The following PCLO variants were observed in gnomAD, a reference collection of about 807,000 sequenced individuals.
PCLO encodes the protein protein piccolo.
PCLO carries 82 observed loss-of-function variants against 427.5 expected under a neutral mutation model. The ratio of observed to expected loss-of-function variants is 0.19; its 90% CI spans 0.16 to 0.23. The LOEUF is 0.23. Ranked by LOEUF, PCLO falls within the 10% of genes least tolerant of loss-of-function variation. PCLO has a pLI of 1.00. For missense variants in PCLO, 6,239 were observed against 6,115.9 expected, an observed-to-expected ratio of 1.02 and a Z score of -0.67; for synonymous variants, 2,357 against 2,155.4, an observed-to-expected ratio of 1.09 and a Z score of -2.59.
intron 2 of PCLO, among the ~76,000 whole-genome samples, chr7:83,142,042 C>G (rs1281190440): frequency 1.3e-5 from 2 of 151,726 alleles, no homozygotes; most frequent in African/African-American, 4.8e-5. Context: ...CCCCCCTCCC[C>G]CCGACACACA....
intron 10 of PCLO, among the ~76,000 whole-genome samples, chr7:82,852,754 C>A (rs1365752060): frequency 6.6e-6 from 1 of 152,062 alleles, no homozygotes; most frequent in Non-Finnish European, 1.5e-5. Context: ...CTCTAGAGAA[C>A]CCTGACTAAT....
chr7:83,125,290 G>A (rs1417347883), intron 3 of PCLO, among the ~76,000 whole-genome samples: 6 of 151,860 alleles, frequency 4.0e-5, no homozygotes, highest in South Asian at 4.2e-4. Flanking sequence ...CCGCCCGGCC[G>A]CCGCCCCCTC....
chr7:83,105,374 GA>G (rs1224751477), intron 3 of PCLO, among the ~76,000 whole-genome samples: 1 of 152,138 alleles, frequency 6.6e-6, no homozygotes, highest in Non-Finnish European at 1.5e-5. Context: ...TTTATGAAAA[GA>G]TTTGGGATCA....
At position 82,953,714 on chromosome 7, in the gene PCLO, AGGG is replaced by A; in HGVS notation, c.7236_7238del (p.Pro2426del). ...GGGGTGGTGGTGGAGGAGGAGGAGG[AGGG>A]GGAGGGGGAGGAGGGGGAGGAGGTT... On this transcript the variant is annotated inframe_deletion, in exon 5 of 25. Coordinates refer to ENST00000333891, the MANE Select transcript of PCLO (RefSeq NM_033026.6). 1 of 325,266 alleles carries A rather than the reference AGGG, an allele frequency of 3.1e-6. No individual in the cohort carries two copies. Among genetic ancestry groups the A allele is most frequent in the Non-Finnish European group, 4.8e-6 (1 of 206,760 alleles). The allele number at this position is 325,266 out of a possible 1,614,324, so 20.1% of individuals were successfully genotyped here.
At chr7:83,114,450 T>G (rs1343942661) in intron 3 of PCLO, among the ~76,000 whole-genome samples, 1 of 152,098 alleles carries the variant, frequency 6.6e-6, no homozygotes, top group South Asian at 2.1e-4. Context: ...TATACTTTGC[T>G]CCTGGGTCTG....
chr7:82,982,159 C>T (rs757212828), intron 3 of PCLO, among the ~76,000 whole-genome samples: 18 of 152,064 alleles, frequency 1.2e-4, no homozygotes, highest in Admixed American at 2.0e-4. Flanking sequence ...TATTGTATTG[C>T]GTTATGTTAA....
chr7:82,820,707 A>C, intron 20 of PCLO: 2 of 1,231,172 alleles, frequency 1.6e-6, no homozygotes, highest in Non-Finnish European at 2.0e-6. Flanking sequence ...TTACACTTGA[A>C]ATAATAGGCA....
chr7:82,895,823 T>A (rs1793890504), intron 9 of PCLO, among the ~76,000 whole-genome samples: 1 of 151,972 alleles, frequency 6.6e-6, no homozygotes, highest in Admixed American at 6.6e-5. Flanking sequence ...TAACTGGATG[T>A]CTTACTGAAA....
intron 9 of PCLO, among the ~76,000 whole-genome samples, chr7:82,887,078 A>G (rs1008993542): frequency 1.3e-5 from 2 of 152,132 alleles, no homozygotes; most frequent in African/African-American, 4.8e-5. Context: ...AGTTTCTCCT[A>G]TGTGTCTGAC....
At chr7:83,088,619 T>C (rs935079782) in intron 3 of PCLO, among the ~76,000 whole-genome samples, 2 of 152,222 alleles carry the variant, frequency 1.3e-5, no homozygotes, top group East Asian at 1.9e-4. Flanking sequence ...AGCCCCTCAC[T>C]GATTCATCAT....
chr7:83,030,110 A>G (rs1788623722), intron 3 of PCLO, among the ~76,000 whole-genome samples: 1 of 130,954 alleles, frequency 7.6e-6, no homozygotes, highest in Admixed American at 7.9e-5. Flanking sequence ...TTAAAGTATA[A>G]TAATAAAAGA....
intron 3 of PCLO, among the ~76,000 whole-genome samples, chr7:83,042,332 AAT>A (rs1788991783): frequency 1.3e-5 from 2 of 152,188 alleles, no homozygotes; most frequent in African/African-American, 4.8e-5. Flanking sequence ...TGCATTGATA[AAT>A]ATATATTGCA....
At chr7:83,095,438 T>C (rs1349829746) in intron 3 of PCLO, among the ~76,000 whole-genome samples, 5 of 151,896 alleles carry the variant, frequency 3.3e-5, no homozygotes, top group Non-Finnish European at 7.4e-5. Context: ...CATTGATTCC[T>C]GCTCTTTATT....
intron 22 of PCLO, among the ~76,000 whole-genome samples, chr7:82,798,475 C>G (rs1028356346): frequency 6.6e-6 from 1 of 152,172 alleles, no homozygotes; most frequent in Non-Finnish European, 1.5e-5. Flanking sequence ...AAACAAAACA[C>G]TGATTAAACA....
Position 83,054,418 on chromosome 7 carries a change from A to C in PCLO, c.3300+79832T>G, listed in dbSNP as rs139454428. 2.6e-3 allele frequency among the ~76,000 whole-genome samples: 394 copies of C among 152,146 alleles called. 2 individuals carry two copies. The highest frequency in any genetic ancestry group is 9.1e-3 in the African/African-American group (380 of 41,548). On this transcript the variant is annotated intron_variant, in intron 3 of 24. Coordinates refer to ENST00000333891, the MANE Select transcript of PCLO (RefSeq NM_033026.6). ...GGCATAATAAATGCCAAATATATTT[A>C]ATTTTTCACAGTATCACTTTCTCCA...
At chr7:82,921,670 T>G (rs879006044) in intron 6 of PCLO, among the ~76,000 whole-genome samples, 2 of 151,934 alleles carry the variant, frequency 1.3e-5, no homozygotes, top group Admixed American at 6.6e-5. Context: ...AATGCAATTC[T>G]GAACATAAGA....
chr7:82,957,364 C>T (rs966824788), intron 4 of PCLO, among the ~76,000 whole-genome samples: 5 of 151,996 alleles, frequency 3.3e-5, no homozygotes, highest in East Asian at 1.9e-4. Flanking sequence ...CATCAGACAA[C>T]GGGCTTTGTG....
intron 3 of PCLO, among the ~76,000 whole-genome samples, chr7:82,975,550 G>A (rs1211673696): frequency 6.6e-6 from 1 of 152,198 alleles, no homozygotes; most frequent in East Asian, 1.9e-4. Context: ...GTAGAACACA[G>A]TGCAATACTG....
intron 22 of PCLO, among the ~76,000 whole-genome samples, chr7:82,761,965 G>A (rs973185051): frequency 5.9e-5 from 9 of 151,982 alleles, no homozygotes; most frequent in African/African-American, 2.2e-4. Flanking sequence ...TCTATCAAGG[G>A]ATATGACTCT....
Sources: allele counts gnomAD v4.1 joint callset (sites outside exome capture counted in the v4.1 genomes callset), GRCh38; gene constraint gnomAD v4.1.1; transcripts MANE v1.5; gene names NCBI Gene and HGNC (gene_info 2026-07-23, HGNC 2026-07-21).